CDH18: variants seen among roughly 807,000 people sequenced by gnomAD.
CDH18 encodes cadherin 18, also known as cadherin-18.
A neutral mutation model predicts 67.9 loss-of-function variants in CDH18; 31 were observed. The ratio of observed to expected loss-of-function variants is 0.46; its 90% CI spans 0.34 to 0.62. The LOEUF (loss-of-function observed/expected upper bound fraction) is 0.62, where lower values mean the gene tolerates loss of function less well. Among genes scored for constraint, CDH18 ranks in the 20% least tolerant of loss-of-function variants. CDH18 has a pLI of 0.01. For synonymous variants in CDH18, 362 were observed against 347.2 expected, an observed-to-expected ratio of 1.04 and a Z score of -0.48; for missense variants, 890 against 975.5, an observed-to-expected ratio of 0.91 and a Z score of 1.17.
At chr5:19,585,572 T>A (rs911869571) in intron 7 of CDH18, among the ~76,000 whole-genome samples, 1 of 152,162 alleles carries the variant, frequency 6.6e-6, no homozygotes, top group African/African-American at 2.4e-5. Context: ...CCATAATGAA[T>A]CTTTTTAAAT....
At chr5:20,348,922 A>G (rs1459070901) in intron 1 of CDH18, among the ~76,000 whole-genome samples, 1 of 152,188 alleles carries the variant, frequency 6.6e-6, no homozygotes, top group Non-Finnish European at 1.5e-5. Context: ...AAGGTCCAGA[A>G]GCCATAATTA....
At chr5:20,369,118 C>T (rs1742764547) in intron 1 of CDH18, among the ~76,000 whole-genome samples, 2 of 151,694 alleles carry the variant, frequency 1.3e-5, no homozygotes, top group Admixed American at 6.6e-5. Context: ...TTAGAAATCC[C>T]GGAAAATTGA....
At chr5:20,305,497 T>C in intron 1 of CDH18, 1 of 1,165,246 alleles carries the variant, frequency 8.6e-7, no homozygotes, top group Admixed American at 1.7e-5. Context: ...GGGTCTTGGG[T>C]GCCGCGAAAC....
At chr5:20,564,308 CGCTCTGTCACCCAG>C (rs991495494) in intron 1 of CDH18, among the ~76,000 whole-genome samples, 1 of 71,116 alleles carries the variant, frequency 1.4e-5, no homozygotes, top group African/African-American at 4.5e-5. Flanking sequence ...GATGGAGTTT[CGCTCTGTCACCCAG>C]GCTGGAGTAC....
intron 1 of CDH18, among the ~76,000 whole-genome samples, chr5:20,573,261 C>A (rs1758909137): frequency 6.6e-6 from 1 of 151,386 alleles, no homozygotes; most frequent in African/African-American, 2.4e-5. Context: ...TGTCTATTCA[C>A]AGAAAAAAAA....
chr5:19,509,511 T>A (rs1744788143), intron 10 of CDH18, among the ~76,000 whole-genome samples: 1 of 152,184 alleles, frequency 6.6e-6, no homozygotes, highest in African/African-American at 2.4e-5. Flanking sequence ...TCGTTAATAG[T>A]ATCTGCATAC....
chr5:20,008,355 TTAAAC>T (rs920459296), intron 2 of CDH18, among the ~76,000 whole-genome samples: 1 of 152,166 alleles, frequency 6.6e-6, no homozygotes, highest in African/African-American at 2.4e-5. Context: ...TCCGTTTTAA[TTAAAC>T]TAAACATTTA....
At chr5:20,063,094 C>T (rs1259565084) in intron 2 of CDH18, among the ~76,000 whole-genome samples, 3 of 148,758 alleles carry the variant, frequency 2.0e-5, no homozygotes, top group East Asian at 4.0e-4. Context: ...TGATCAAATA[C>T]TTTTTGACTA....
At chr5:20,154,727 T>C (rs2126585122) in intron 2 of CDH18, among the ~76,000 whole-genome samples, 1 of 152,292 alleles carries the variant, frequency 6.6e-6, no homozygotes, top group Admixed American at 6.5e-5. Flanking sequence ...TTGTTAAAAT[T>C]CAGCAAAACA....
At chr5:20,384,628 G>T (rs938299122) in intron 1 of CDH18, among the ~76,000 whole-genome samples, 5 of 152,008 alleles carry the variant, frequency 3.3e-5, no homozygotes, top group Non-Finnish European at 5.9e-5. Context: ...TCATATGAAA[G>T]TTTTATTCTC....
At chr5:20,292,961 T>C (rs1747215713) in intron 1 of CDH18, among the ~76,000 whole-genome samples, 1 of 152,154 alleles carries the variant, frequency 6.6e-6, no homozygotes. Flanking sequence ...GGTTAGGGTT[T>C]CAACATATCT....
chr5:20,503,146 T>G (rs1319931040), intron 1 of CDH18, among the ~76,000 whole-genome samples: 1 of 152,176 alleles, frequency 6.6e-6, no homozygotes. Context: ...GATGGGGATG[T>G]ATAGTTTCAT....
chr5:20,234,573 A>T (rs1240869268), intron 2 of CDH18, among the ~76,000 whole-genome samples: 1 of 152,100 alleles, frequency 6.6e-6, no homozygotes, highest in Non-Finnish European at 1.5e-5. Flanking sequence ...AGCAGACACT[A>T]GATCTGCTGC....
At chr5:19,735,710 A>C (rs1768224992) in intron 4 of CDH18, among the ~76,000 whole-genome samples, 1 of 152,072 alleles carries the variant, frequency 6.6e-6, no homozygotes, top group African/African-American at 2.4e-5. Context: ...TGGATATTTT[A>C]AGTTAGAGAA....
intron 2 of CDH18, among the ~76,000 whole-genome samples, chr5:20,208,497 G>C (rs1345628726): frequency 1.3e-5 from 2 of 152,028 alleles, no homozygotes; most frequent in East Asian, 3.9e-4. Flanking sequence ...ATCAACAGTG[G>C]TGGGAAAACT....
chr5:20,337,201 T>G (rs1346007814), intron 1 of CDH18, among the ~76,000 whole-genome samples: 1 of 152,210 alleles, frequency 6.6e-6, no homozygotes, highest in Non-Finnish European at 1.5e-5. Context: ...CCTAGAGACA[T>G]TTTCCCCCAT....
chr5:20,504,924 C>T (rs1305572039), intron 1 of CDH18, among the ~76,000 whole-genome samples: 4 of 151,820 alleles, frequency 2.6e-5, no homozygotes, highest in African/African-American at 7.3e-5. Context: ...CCCGCCACCA[C>T]GCCCGGCTAA....
intron 3 of CDH18, among the ~76,000 whole-genome samples, chr5:19,813,929 T>A (rs980660929): frequency 2.0e-5 from 3 of 151,938 alleles, no homozygotes; most frequent in African/African-American, 7.2e-5. Context: ...TTAAGTCTAT[T>A]GAGAACAAAT....
At chr5:19,935,290 A>C (rs1466599602) in intron 2 of CDH18, among the ~76,000 whole-genome samples, 2 of 151,170 alleles carry the variant, frequency 1.3e-5, no homozygotes, top group Non-Finnish European at 3.0e-5. Flanking sequence ...ATGTTTCCCT[A>C]TATTTTCTAT....
Sources: gnomAD v4.1 joint callset for allele counts (sites outside exome capture counted in the v4.1 genomes callset) on GRCh38, gnomAD v4.1.1 for gene constraint, MANE v1.5 for transcripts, NCBI Gene and HGNC (gene_info 2026-07-23, HGNC 2026-07-21) for gene names.